The following HDAC9 variants were observed in gnomAD, a reference collection of about 807,000 sequenced individuals.
The protein encoded by HDAC9 is MEF-2 interacting transcription repressor (MITR) protein.
HDAC9 carries 41 observed loss-of-function variants against 139.4 expected under a neutral mutation model. The observed-to-expected ratio is 0.29, with a 90% CI of 0.23 to 0.38. The LOEUF is 0.38. Among genes scored for constraint, HDAC9 ranks in the 10% least tolerant of loss-of-function variants. The pLI is 1.00. For synonymous variants in HDAC9, 517 were observed against 476.2 expected (o/e 1.09, Z -1.12); for missense variants, 1,147 against 1,297.0 (o/e 0.88, Z 1.78).
intron 1 of HDAC9, among the ~76,000 whole-genome samples, chr7:18,137,234 A>G (rs1482282628): frequency 1.9e-5 from 2 of 103,246 alleles, no homozygotes; most frequent in Non-Finnish European, 3.8e-5. Flanking sequence ...TAGATATACA[A>G]TCATGTCATC....
chr7:18,920,896 C>A (rs1431866007), intron 22 of HDAC9, among the ~76,000 whole-genome samples: 1 of 151,988 alleles, frequency 6.6e-6, no homozygotes, highest in African/African-American at 2.4e-5. Context: ...TTCGGTTTGC[C>A]AGTATTTTAT....
chr7:18,979,097 T>C (rs1220370020), intron 25 of HDAC9, among the ~76,000 whole-genome samples: 1 of 152,200 alleles, frequency 6.6e-6, no homozygotes, highest in African/African-American at 2.4e-5. Context: ...TTTGGCAACC[T>C]TTCTCATGAA....
chr7:18,648,369 T>C, intron 10 of HDAC9, 97 bp from the exon 11 acceptor site: 1 of 1,033,982 alleles, frequency 9.7e-7, no homozygotes, highest in South Asian at 1.4e-5. Flanking sequence ...GTATCTGTTT[T>C]CTTTGGCTTC....
intron 1 of HDAC9, among the ~76,000 whole-genome samples, chr7:18,444,877 G>C (rs1055637243): frequency 1.3e-5 from 2 of 152,076 alleles, no homozygotes; most frequent in East Asian, 1.9e-4. Flanking sequence ...TATAATCTTT[G>C]TATTTAGTTT....
At chr7:18,794,672 T>G (rs111733813) in intron 17 of HDAC9, among the ~76,000 whole-genome samples, 1 of 152,226 alleles carries the variant, frequency 6.6e-6, no homozygotes. Flanking sequence ...AATCAGCCTG[T>G]GGAGAGGTTT....
At chr7:18,840,064 A>C (rs1185068650) in intron 21 of HDAC9, among the ~76,000 whole-genome samples, 1 of 152,092 alleles carries the variant, frequency 6.6e-6, no homozygotes, top group Non-Finnish European at 1.5e-5. Context: ...TTATTAAATA[A>C]ATAAACAAAT....
chr7:18,557,996 C>G (rs1285430472), intron 2 of HDAC9, among the ~76,000 whole-genome samples: 3 of 151,954 alleles, frequency 2.0e-5, no homozygotes, highest in African/African-American at 4.8e-5. Context: ...TTTTTAAAAG[C>G]TGTTTAAAGA....
intron 17 of HDAC9, among the ~76,000 whole-genome samples, chr7:18,824,902 T>G (rs1402108516): frequency 1.3e-5 from 2 of 151,976 alleles, no homozygotes; most frequent in Admixed American, 1.3e-4. Context: ...CTGCATACAT[T>G]TGAGTGATAT....
At chr7:18,829,907 C>G (rs1795733800) in intron 19 of HDAC9, among the ~76,000 whole-genome samples, 1 of 137,910 alleles carries the variant, frequency 7.3e-6, no homozygotes, top group South Asian at 2.5e-4. Context: ...AATGCTGTTG[C>G]TTTGGTAACC....
At chr7:18,517,990 T>A (rs1437707691) in intron 2 of HDAC9, 1 of 152,180 alleles carries the variant, frequency 6.6e-6, no homozygotes, top group Non-Finnish European at 1.5e-5. Flanking sequence ...ATGCTCACAC[T>A]TACAGTTATA....
rs1033818722 is a variant in HDAC9, at chr7:18,390,202, T to C, written c.-42+99687T>C. Among the ~76,000 whole-genome samples the C allele has an allele frequency of 9.2e-5, 14 of 152,178 alleles. No individual in the cohort carries two copies. The East Asian group carries it at 2.7e-3, about 29-fold the overall frequency. The stretch of plus-strand genomic sequence containing the variant: ...TTCTTGGCTTTTGTTAGGAAGAATA[T>C]AGCTAGATTTAAAAGTAATTCTCGG... On this transcript the variant is annotated intron_variant, in intron 1 of 3. Transcript: ENST00000413509.
chr7:18,490,085 C>T (rs1175011388), intron 1 of HDAC9, among the ~76,000 whole-genome samples: 1 of 152,040 alleles, frequency 6.6e-6, no homozygotes, highest in Admixed American at 6.6e-5. Context: ...AAATTGTTCT[C>T]TAAAAATGTT....
intron 2 of HDAC9, among the ~76,000 whole-genome samples, chr7:18,191,541 C>T (rs572681374): frequency 1.8e-4 from 27 of 152,212 alleles, no homozygotes; most frequent in African/African-American, 5.8e-4. Context: ...TGGCAGGAAA[C>T]GATAAACACA....
chr7:18,313,666 A>C (rs1799460226), intron 1 of HDAC9, among the ~76,000 whole-genome samples: 1 of 152,196 alleles, frequency 6.6e-6, no homozygotes. Flanking sequence ...ATTATTGCAC[A>C]CACTAACAAT....
chr7:18,923,189 CT>C (rs1186838568), intron 22 of HDAC9, among the ~76,000 whole-genome samples: 3 of 152,028 alleles, frequency 2.0e-5, no homozygotes, highest in Non-Finnish European at 4.4e-5. Context: ...TAAAGTGCTA[CT>C]TTTTTTATCT....
chr7:18,171,350 G>C (rs1025222104), intron 2 of HDAC9, among the ~76,000 whole-genome samples: 2 of 152,186 alleles, frequency 1.3e-5, no homozygotes, highest in African/African-American at 2.4e-5. Flanking sequence ...TTTGGGCTGA[G>C]ATGATGGGGT....
intron 1 of HDAC9, among the ~76,000 whole-genome samples, chr7:18,108,019 A>G (rs2128079489): frequency 1.3e-5 from 2 of 152,348 alleles, no homozygotes; most frequent in East Asian, 3.9e-4. Context: ...AACTGTTTGT[A>G]TTAAGCAAGT....
intron 22 of HDAC9, among the ~76,000 whole-genome samples, chr7:18,882,160 C>T (rs893919256): frequency 3.9e-5 from 6 of 152,076 alleles, no homozygotes; most frequent in African/African-American, 1.4e-4. Flanking sequence ...ATTTCTTCCA[C>T]TATATTCGAT....
intron 2 of HDAC9, among the ~76,000 whole-genome samples, chr7:18,551,072 A>G (rs1816972355): frequency 6.6e-6 from 1 of 152,212 alleles, no homozygotes; most frequent in Non-Finnish European, 1.5e-5. Context: ...GATAGAGTCA[A>G]AGGGATTTCC....
Sources: allele counts gnomAD v4.1 joint callset (sites outside exome capture counted in the v4.1 genomes callset), GRCh38; gene constraint gnomAD v4.1.1; transcripts MANE v1.5; gene names NCBI Gene and HGNC (gene_info 2026-07-23, HGNC 2026-07-21).